Variants in SLC39A11 observed in about 807,000 individuals in gnomAD.
SLC39A11 encodes the protein zinc transporter ZIP11.
Under a neutral mutation model 36.1 loss-of-function variants are expected in SLC39A11, and 33 were observed. The observed-to-expected ratio is 0.91, with a 90% CI of 0.69 to 1.22. The LOEUF (loss-of-function observed/expected upper bound fraction) is 1.22, where lower values mean the gene tolerates loss of function less well. SLC39A11 is among the 50% of genes most tolerant of loss of function. SLC39A11 has a pLI of 0.00. For missense variants in SLC39A11, 432 were observed against 430.3 expected (o/e 1.00, Z -0.03); for synonymous variants, 166 against 170.3 (o/e 0.97, Z 0.20).
intron 5 of SLC39A11, among the ~76,000 whole-genome samples, chr17:72,898,369 G>A (rs2082137308): frequency 1.3e-5 from 2 of 152,134 alleles, no homozygotes; most frequent in African/African-American, 4.8e-5. Flanking sequence ...CAGCTATACC[G>A]CTGCTACTGG....
intron 4 of SLC39A11, among the ~76,000 whole-genome samples, chr17:73,030,466 G>A (rs935039280): frequency 6.6e-6 from 1 of 152,194 alleles, no homozygotes; most frequent in Non-Finnish European, 1.5e-5. Flanking sequence ...AAGGAAAAAA[G>A]AAAGCAGGAA....
rs149657265 is a variant in SLC39A11, at chr17:72,897,796, G to A, written c.431-47992C>T. Among the ~76,000 whole-genome samples, 24 of 152,302 alleles carry A rather than the reference G, an allele frequency of 1.6e-4. No homozygotes were observed. In the East Asian group the frequency reaches 3.7e-3, roughly 23 times the overall value. On this transcript the variant is annotated intron_variant, in intron 5 of 9. Transcript: ENST00000255559. ...ACAAAAACAGGCGGCAAGGGAATTC[G>A]GTGTGGAGTTCTAAAAGAAGTGTGG...
chr17:72,799,962 C>T (rs1030451204), intron 6 of SLC39A11, among the ~76,000 whole-genome samples: 10 of 152,110 alleles, frequency 6.6e-5, no homozygotes, highest in Admixed American at 2.6e-4. Context: ...GAGACTCAGG[C>T]GGGCATCACG....
At chr17:72,957,626 C>A (rs2086330654) in intron 4 of SLC39A11, among the ~76,000 whole-genome samples, 1 of 152,218 alleles carries the variant, frequency 6.6e-6, no homozygotes, top group Admixed American at 6.5e-5. Flanking sequence ...CGAGAACAGT[C>A]TGGCCAACAT....
chr17:72,701,875 A>T (rs1467324691), intron 7 of SLC39A11, among the ~76,000 whole-genome samples: 1 of 152,204 alleles, frequency 6.6e-6, no homozygotes, highest in African/African-American at 2.4e-5. Context: ...CTGAGGTGGA[A>T]GGACTGTTTG....
At chr17:72,727,407 A>C (rs576188993) in intron 7 of SLC39A11, among the ~76,000 whole-genome samples, 6 of 152,296 alleles carry the variant, frequency 3.9e-5, no homozygotes, top group Non-Finnish European at 5.9e-5. Flanking sequence ...TAATCCCAGC[A>C]CTTTGGGAGG....
At chr17:72,927,810 A>G (rs1292023940) in intron 5 of SLC39A11, among the ~76,000 whole-genome samples, 3 of 151,496 alleles carry the variant, frequency 2.0e-5, no homozygotes, top group African/African-American at 7.3e-5. Context: ...AAATGTATAC[A>G]CACACACACA....
In SLC39A11 at chr17:73,007,000, G is replaced by A. The variant is rs899441885; in HGVS notation, c.306+24556C>T. On this transcript the variant is annotated intron_variant, in intron 4 of 9. Transcript: ENST00000255559. ...CTCCGTGTCAGGCTCTGTGCCAGGC[G>A]CTGGGGATGCAGAGGCAAACAAGAA... is the stretch of plus-strand genomic sequence containing the variant. Among the ~76,000 whole-genome samples the A allele has an allele frequency of 5.9e-5, 9 of 152,158 alleles. No individual in the cohort carries two copies. In the South Asian group the frequency reaches 6.2e-4, roughly 11 times the overall value.
chr17:72,739,341 G>C (rs569200502), intron 6 of SLC39A11, among the ~76,000 whole-genome samples: 1 of 152,054 alleles, frequency 6.6e-6, no homozygotes, highest in Non-Finnish European at 1.5e-5. Flanking sequence ...TGGCCGGGCT[G>C]GTCTTGAACT....
chr17:72,861,740 TTA>T (rs71945815), intron 5 of SLC39A11, among the ~76,000 whole-genome samples: 2,538 of 66,800 alleles, frequency 0.038, 42 homozygotes, highest in Non-Finnish European at 0.051. Flanking sequence ...ACATTGGAGA[TTA>T]TATATATATA....
chr17:72,991,787 T>C (rs774300527), intron 4 of SLC39A11, among the ~76,000 whole-genome samples: 2 of 152,268 alleles, frequency 1.3e-5, no homozygotes, highest in Non-Finnish European at 2.9e-5. Context: ...CAAGAAATGC[T>C]GCAATGAACA....
At chr17:72,861,669 AT>A (rs1366172781) in intron 5 of SLC39A11, among the ~76,000 whole-genome samples, 2,658 of 111,858 alleles carry the variant, frequency 0.024, 91 homozygotes, top group Non-Finnish European at 0.031. Context: ...ATATATATAT[AT>A]ATATATATAT....
chr17:72,830,009 G>A (rs2078211822), intron 6 of SLC39A11, among the ~76,000 whole-genome samples: 2 of 152,166 alleles, frequency 1.3e-5, no homozygotes, highest in Admixed American at 6.5e-5. Context: ...AACCTGTGAT[G>A]CTACTCATGA....
intron 4 of SLC39A11, among the ~76,000 whole-genome samples, chr17:72,949,216 G>A (rs1300118426): frequency 8.0e-6 from 1 of 124,836 alleles, no homozygotes; most frequent in African/African-American, 3.2e-5. Context: ...CTGGAGTGCA[G>A]TGGTGCAATC....
chr17:72,895,890 T>C (rs1465721626), intron 5 of SLC39A11, among the ~76,000 whole-genome samples: 3 of 152,268 alleles, frequency 2.0e-5, no homozygotes, highest in Admixed American at 6.5e-5. Flanking sequence ...TAAATGAAAA[T>C]TGCTAATATA....
rs542505201 is a variant in SLC39A11 at position 72,798,084 on chromosome 17, G to A, written c.601+51550C>T. ...ATGCTGAGCCTTCCCGTTTGGGCAC[G>A]TGGAGATGGGTGTATCACTAGGAGA... is the stretch of plus-strand genomic sequence containing the variant. On this transcript the variant is annotated intron_variant, in intron 6 of 9. Transcript: ENST00000255559. 7.9e-5 allele frequency among the ~76,000 whole-genome samples: 12 copies of A among 152,242 alleles called. No homozygotes were observed. In the South Asian group the frequency reaches 1.2e-3, roughly 16 times the overall value.
intron 4 of SLC39A11, among the ~76,000 whole-genome samples, chr17:72,975,264 C>T (rs1466329689): frequency 1.3e-5 from 2 of 152,074 alleles, no homozygotes; most frequent in African/African-American, 2.4e-5. Context: ...CATGGTGAAA[C>T]CCTGTCCCTA....
chr17:72,921,847 G>A (rs567764811), intron 5 of SLC39A11, among the ~76,000 whole-genome samples: 1 of 152,284 alleles, frequency 6.6e-6, no homozygotes, highest in East Asian at 1.9e-4. Flanking sequence ...ACATGCCATT[G>A]GTTGTAAGGC....
At chr17:73,089,287 A>T (rs758577968) in intron 1 of SLC39A11, among the ~76,000 whole-genome samples, 3 of 151,950 alleles carry the variant, frequency 2.0e-5, no homozygotes, top group Non-Finnish European at 4.4e-5. Context: ...TCCACCAACC[A>T]ACTTTTGATA....
Sources: allele counts gnomAD v4.1 joint callset (sites outside exome capture counted in the v4.1 genomes callset), GRCh38; gene constraint gnomAD v4.1.1; transcripts MANE v1.5; gene names NCBI Gene and HGNC (gene_info 2026-07-23, HGNC 2026-07-21).